Variants in SMC2 observed in about 807,000 individuals in gnomAD.
SMC2 encodes structural maintenance of chromosomes protein 2.
In SMC2, 41 loss-of-function variants were observed where a neutral mutation model predicts 142.6. The observed-to-expected ratio is 0.29, with a 90% CI of 0.22 to 0.37. The LOEUF (loss-of-function observed/expected upper bound fraction) is 0.37. Ranked by LOEUF, SMC2 falls within the 10% of genes least tolerant of loss-of-function variation. The pLI, the probability that SMC2 is intolerant of heterozygous loss-of-function variation, is 1.00. For missense variants in SMC2, 1,265 were observed against 1,373.7 expected, an observed-to-expected ratio of 0.92 and a Z score of 1.25; for synonymous variants, 463 against 457.5, an observed-to-expected ratio of 1.01 and a Z score of -0.15.
Position 104,123,207 on chromosome 9 carries a change from A to G in SMC2, c.2232A>G (p.Glu744=). 1 of 1,612,710 alleles carries G rather than the reference A, an allele frequency of 6.2e-7. No homozygotes were observed. The highest frequency in any genetic ancestry group is 1.1e-5 in the South Asian group (1 of 90,906). The change falls in exon 17 of 25, where the codon GAA becomes GAG. Residue 744 remains glutamate (E), a synonymous_variant. Coordinates refer to ENST00000374793, the MANE Select transcript of SMC2 (RefSeq NM_006444.3). ...GCTCATATCACAAGCAACAAGAAGA[A>G]TTAGATGCCCTTAAAAAAACCATTG... The part of the protein sequence containing the change: ...QQSSYHKQQE[E]LDALKKTIEE...
At chr9:104,120,712 T>C (rs796462275) in intron 16 of SMC2, among the ~76,000 whole-genome samples, 1 of 152,232 alleles carries the variant, frequency 6.6e-6, no homozygotes, top group Admixed American at 6.5e-5. Context: ...GATATGTATA[T>C]ACTTTCCAAC....
chr9:104,123,278 C>T, intron 17 of SMC2, 46 bp downstream of exon 17: 1 of 1,581,636 alleles, frequency 6.3e-7, no homozygotes, highest in East Asian at 2.3e-5. Flanking sequence ...TTATTCATAT[C>T]CGTTACCTTA....
chr9:104,099,357 T>C (rs1244875191), intron 4 of SMC2, among the ~76,000 whole-genome samples: 1 of 152,160 alleles, frequency 6.6e-6, no homozygotes, highest in African/African-American at 2.4e-5. Context: ...TGAATATTTC[T>C]ACTTAATGTT....
At chr9:104,098,151 T>C (rs1262653125) in intron 3 of SMC2, among the ~76,000 whole-genome samples, 1 of 152,224 alleles carries the variant, frequency 6.6e-6, no homozygotes, top group African/African-American at 2.4e-5. Context: ...GTTTTACATA[T>C]ACTTGGAAAC....
chr9:104,116,409 A>G (rs1242645795), intron 14 of SMC2, 90 bp downstream of exon 14: 15 of 1,205,028 alleles, frequency 1.2e-5, no homozygotes, highest in South Asian at 3.1e-5. Context: ...ACATAATCAT[A>G]TGCAGAACCA....
At position 104,129,131 on chromosome 9, in the gene SMC2, TAC is replaced by T. The variant is rs937658556; in HGVS notation, c.2791-512_2791-511del. 5.3e-5 allele frequency among the ~76,000 whole-genome samples: 8 copies of T among 152,338 alleles called. No individual in the cohort carries two copies. The East Asian group carries it at 9.6e-4, about 18-fold the overall frequency. On this transcript the variant is annotated intron_variant, in intron 20 of 24. Coordinates refer to ENST00000374793, the MANE Select transcript of SMC2 (RefSeq NM_006444.3). The stretch of plus-strand genomic sequence containing the variant: ...AAAGTAATAGGAAGATCTTTTGCTA[TAC>T]AGTGTCTTGTTTCTGTAGTCTGTGT...
intron 24 of SMC2, among the ~76,000 whole-genome samples, chr9:104,138,628 A>T (rs1470961733): frequency 1.3e-5 from 2 of 152,210 alleles, no homozygotes; most frequent in Non-Finnish European, 2.9e-5. Context: ...CTATTGCTGT[A>T]GGAGCTGGGG....
intron 9 of SMC2, among the ~76,000 whole-genome samples, chr9:104,105,534 G>A (rs1324804430): frequency 6.6e-6 from 1 of 152,096 alleles, no homozygotes; most frequent in Non-Finnish European, 1.5e-5. Flanking sequence ...TTTCTCCCAT[G>A]CAAAACTGTT....
intron 19 of SMC2, among the ~76,000 whole-genome samples, 158 bp downstream of exon 19, chr9:104,126,942 G>A (rs1329596877): frequency 6.6e-6 from 1 of 152,108 alleles, no homozygotes; most frequent in Non-Finnish European, 1.5e-5. Context: ...TGCCAGTTTT[G>A]GGATCACATA....
At chr9:104,095,974 G>T (rs1830409019) in intron 2 of SMC2, among the ~76,000 whole-genome samples, 174 bp from the exon 3 acceptor site, 1 of 152,202 alleles carries the variant, frequency 6.6e-6, no homozygotes, top group Non-Finnish European at 1.5e-5. Context: ...AGTGTCCATT[G>T]CAGGTTGTTG....
chr9:104,129,302 A>C lies in SMC2; in HGVS notation c.2791-343A>C, dbSNP rs112836474. On this transcript the variant is annotated intron_variant, in intron 20 of 24. Coordinates refer to ENST00000374793, the MANE Select transcript of SMC2 (RefSeq NM_006444.3). ...CAGATCACCTGAGGTCGGGAGTTCCAGATCAGCCTGACCAACATGGAGAAA... is the reference window on the plus strand; with the variant it reads ...CAGATCACCTGAGGTCGGGAGTTCCCGATCAGCCTGACCAACATGGAGAAA... Among the ~76,000 whole-genome samples, 807 of 152,250 alleles carry C rather than the reference A, an allele frequency of 5.3e-3. 7 individuals carry two copies. The highest frequency in any genetic ancestry group is 0.019 in the African/African-American group (774 of 41,560).
chr9:104,108,410 T>C (rs1335980491), intron 9 of SMC2, among the ~76,000 whole-genome samples: 1 of 152,162 alleles, frequency 6.6e-6, no homozygotes, highest in Non-Finnish European at 1.5e-5. Context: ...TTTCCTGGAC[T>C]TTCCATATAC....
chr9:104,123,565 T>C lies in SMC2; in HGVS notation c.2257+333T>C, dbSNP rs1587971866. ...TAGCATTTAATTTGCATTTCCCTAA[T>C]TGCTGATGAAATTTGGGATCTTTTT... is the stretch of plus-strand genomic sequence containing the variant. On this transcript the variant is annotated intron_variant, in intron 17 of 24. Coordinates refer to ENST00000374793, the MANE Select transcript of SMC2 (RefSeq NM_006444.3). 2.6e-5 allele frequency among the ~76,000 whole-genome samples: 4 copies of C among 152,212 alleles called. No individual in the cohort carries two copies. In the South Asian group the frequency reaches 8.3e-4, roughly 31 times the overall value.
intron 9 of SMC2, among the ~76,000 whole-genome samples, chr9:104,103,159 G>A (rs60098395): frequency 0.057 from 8,612 of 152,034 alleles, 657 homozygotes; most frequent in African/African-American, 0.18. Flanking sequence ...TACTTTCAAC[G>A]TTTGAATGTT....
At chr9:104,136,232 C>G (rs1276337329) in intron 23 of SMC2, among the ~76,000 whole-genome samples, 1 of 152,058 alleles carries the variant, frequency 6.6e-6, no homozygotes, top group Non-Finnish European at 1.5e-5. Flanking sequence ...TCCTGTAATT[C>G]CATCATGTAA....
chr9:104,105,761 G>T (rs1359977385), intron 9 of SMC2, among the ~76,000 whole-genome samples: 2 of 152,182 alleles, frequency 1.3e-5, no homozygotes, highest in Non-Finnish European at 2.9e-5. Flanking sequence ...CATTAGGAAT[G>T]CTAGGGTAGT....
At chr9:104,090,856 T>C (rs1234701235), upstream of SMC2, among the ~76,000 whole-genome samples, 1 of 151,694 alleles carries the variant, frequency 6.6e-6, no homozygotes, top group African/African-American at 2.4e-5. Context: ...GAAAAGAAGA[T>C]AAAATAAAGA....
In SMC2 at chr9:104,102,190, T is replaced by C. The variant is rs543179121; in HGVS notation, c.867T>C (p.Asp289=). The change falls in exon 8 of 25, where the codon GAT becomes GAC. Residue 289 remains aspartate (D), a synonymous_variant. Coordinates refer to ENST00000374793, the MANE Select transcript of SMC2 (RefSeq NM_006444.3). ...HEIEELEKRK[D]KETGGILRSL... ...TAGAAGAATTGGAAAAAAGAAAAGA[T>C]AAGGTCTGAACATATGTATAAGAAT... is the stretch of plus-strand genomic sequence containing the variant. 2.6e-6 allele frequency: 4 copies of C among 1,509,538 alleles called. No homozygotes were observed. The South Asian group carries it at 4.7e-5, about 18-fold the overall frequency. The allele number at this position is 1,509,538 out of a possible 1,614,324, so 93.5% of individuals were successfully genotyped here. A position where few individuals can be genotyped will look rare whatever the true frequency, so the allele number is the denominator to read the frequency against.
upstream of SMC2, among the ~76,000 whole-genome samples, chr9:104,091,634 C>CA (rs1156508964): frequency 1.6e-4 from 25 of 152,338 alleles, no homozygotes; most frequent in African/African-American, 6.0e-4. Context: ...AATCTCTCAA[C>CA]AAAATGAGTC....
Sources: gnomAD v4.1 joint callset for allele counts (sites outside exome capture counted in the v4.1 genomes callset) on GRCh38, gnomAD v4.1.1 for gene constraint, MANE v1.5 for transcripts, NCBI Gene and HGNC (gene_info 2026-07-23, HGNC 2026-07-21) for gene names.